The following VGLL4 variants were observed in gnomAD, a reference collection of about 807,000 sequenced individuals.
VGLL4 encodes the protein vestigial like family member 4.
A neutral mutation model predicts 21.0 loss-of-function variants in VGLL4; 7 were observed. That is an observed-to-expected ratio of 0.33 (90% CI 0.19 to 0.63). VGLL4 has a LOEUF of 0.63. Ranked by LOEUF, VGLL4 falls within the 20% of genes least tolerant of loss-of-function variation. The probability of loss-of-function intolerance (pLI) is 0.78; values close to 1 mark genes in which losing one functional copy is unlikely to be tolerated. For synonymous variants in VGLL4, 222 were observed against 173.2 expected (o/e 1.28, Z -2.21); for missense variants, 394 against 425.7 (o/e 0.93, Z 0.66).
chr3:11,605,314 A>G (rs2074915105), intron 1 of VGLL4, among the ~76,000 whole-genome samples: 1 of 128,842 alleles, frequency 7.8e-6, no homozygotes, highest in African/African-American at 3.0e-5. Context: ...CCAATCCTCC[A>G]CAGCTCTGTG....
intron 2 of VGLL4, among the ~76,000 whole-genome samples, chr3:11,681,732 C>T (rs950181603): frequency 2.0e-5 from 3 of 152,202 alleles, no homozygotes; most frequent in African/African-American, 7.2e-5. Flanking sequence ...GCACAGATGC[C>T]TCAGGCTCAT....
chr3:11,635,899 C>A (rs140865990), intron 1 of VGLL4, among the ~76,000 whole-genome samples: 2 of 152,128 alleles, frequency 1.3e-5, no homozygotes, highest in Non-Finnish European at 2.9e-5. Flanking sequence ...AGATCATTCT[C>A]GTGGGTGATT....
chr3:11,650,623 G>A (rs78863953), intron 2 of VGLL4, among the ~76,000 whole-genome samples: 3,781 of 152,072 alleles, frequency 0.025, 139 homozygotes, highest in African/African-American at 0.084. Context: ...ACTGGGTTCC[G>A]CTGTGCTCTT....
At chr3:11,637,311 G>A (rs998541914) in intron 1 of VGLL4, among the ~76,000 whole-genome samples, 3 of 151,982 alleles carry the variant, frequency 2.0e-5, no homozygotes, top group Admixed American at 6.6e-5. Context: ...TTGAGAGATC[G>A]ATCCCTAATA....
In VGLL4 at chr3:11,558,634, G is replaced by A. The variant is rs200748768; in HGVS notation, c.813C>T (p.Ser271=). 184 of 1,610,218 alleles carry A rather than the reference G, an allele frequency of 1.1e-4. No homozygotes were observed. The highest frequency in any genetic ancestry group is 2.5e-4 in the East Asian group (11 of 44,868). The change falls in exon 5 of 5, where the codon TCC becomes TCT. Residue 271 remains serine, a synonymous_variant. Coordinates refer to ENST00000430365, the MANE Select transcript of VGLL4 (RefSeq NM_001128219.3). ...TGGCGGGCTGGCCCCTGCGAGAGGC[G>A]GACTCAGGGCTGCTGGATGCTCCGT... The part of the protein sequence containing the change: ...AKDGASSSPE[S]ASRRGQPASP...
chr3:11,574,976 A>T (rs1269136585), intron 2 of VGLL4, among the ~76,000 whole-genome samples: 1 of 152,062 alleles, frequency 6.6e-6, no homozygotes, highest in East Asian at 1.9e-4. Context: ...TTGGCTTGGT[A>T]GTGTTTGGGG....
At chr3:11,691,853 T>C (rs1214315238) in intron 2 of VGLL4, among the ~76,000 whole-genome samples, 2 of 152,014 alleles carry the variant, frequency 1.3e-5, no homozygotes, top group East Asian at 3.9e-4. Context: ...AAGACAGCAA[T>C]GAGCTCAGAA....
chr3:11,632,847 C>T (rs981147574), intron 1 of VGLL4, among the ~76,000 whole-genome samples: 1 of 152,192 alleles, frequency 6.6e-6, no homozygotes, highest in Non-Finnish European at 1.5e-5. Flanking sequence ...ATCCCCAGCA[C>T]ATAAAACAGT....
At chr3:11,646,617 A>T (rs897030987), upstream of VGLL4, among the ~76,000 whole-genome samples, 6 of 152,184 alleles carry the variant, frequency 3.9e-5, no homozygotes, top group African/African-American at 1.4e-4. Flanking sequence ...GACATGAAGA[A>T]TTTTTTTAAT....
At chr3:11,608,115 TG>T (rs1354604503) in intron 1 of VGLL4, among the ~76,000 whole-genome samples, 1 of 152,176 alleles carries the variant, frequency 6.6e-6, no homozygotes, top group Non-Finnish European at 1.5e-5. Context: ...GTCTGGCAAT[TG>T]AAAAAGGAGA....
At chr3:11,572,990 A>T (rs2073834164) in intron 2 of VGLL4, among the ~76,000 whole-genome samples, 2 of 151,928 alleles carry the variant, frequency 1.3e-5, no homozygotes, top group Admixed American at 1.3e-4. Flanking sequence ...CAACATGGCG[A>T]ATCCCCCTCT....
At chr3:11,597,532 A>G (rs552211984) in intron 2 of VGLL4, among the ~76,000 whole-genome samples, 4 of 152,256 alleles carry the variant, frequency 2.6e-5, no homozygotes, top group Admixed American at 1.3e-4. Flanking sequence ...TTAAGAAAAG[A>G]CCTTCAGTCC....
At chr3:11,721,390 T>G (rs1446119946), upstream of VGLL4, 1 of 152,220 alleles carries the variant, frequency 6.6e-6, no homozygotes, top group Non-Finnish European at 1.5e-5. Flanking sequence ...TGCCCGAAAC[T>G]TGGGGCCCCT....
chr3:11,577,073 G>A (rs1222169357), intron 2 of VGLL4, among the ~76,000 whole-genome samples: 2 of 152,194 alleles, frequency 1.3e-5, no homozygotes, highest in African/African-American at 4.8e-5. Context: ...TCATGAAGCT[G>A]GGTGACCCAG....
At chr3:11,585,202 G>A (rs557374080) in intron 2 of VGLL4, among the ~76,000 whole-genome samples, 8 of 152,058 alleles carry the variant, frequency 5.3e-5, no homozygotes, top group Non-Finnish European at 5.9e-5. Context: ...TTGGGAGGCC[G>A]AGGCGGGCAG....
chr3:11,624,984 G>A (rs969161953), intron 1 of VGLL4, among the ~76,000 whole-genome samples: 5 of 152,182 alleles, frequency 3.3e-5, no homozygotes, highest in African/African-American at 1.2e-4. Context: ...AACTGACAAT[G>A]CTCTTTAGGG....
At chr3:11,628,957 C>G (rs1263865014) in intron 1 of VGLL4, among the ~76,000 whole-genome samples, 1 of 152,200 alleles carries the variant, frequency 6.6e-6, no homozygotes, top group Non-Finnish European at 1.5e-5. Context: ...ATAGGCACTT[C>G]CATAATCTAT....
chr3:11,650,740 CACACAG>C (rs1394850567), intron 2 of VGLL4, among the ~76,000 whole-genome samples: 1 of 151,636 alleles, frequency 6.6e-6, no homozygotes, highest in East Asian at 1.9e-4. Flanking sequence ...CACACACACA[CACACAG>C]ACACACACTT....
Position 11,564,837 on chromosome 3 carries a change from G to T in VGLL4, c.455C>A (p.Ala152Asp). The T allele has an allele frequency of 1.9e-6, 3 of 1,597,684 alleles. No homozygotes were observed. Among genetic ancestry groups the T allele is most frequent in the East Asian group, 2.3e-5 (1 of 44,240 alleles). Residue 152 changes from alanine to aspartate, a missense_variant, in exon 3 of 5, where the codon GCC (alanine) becomes GAC (aspartate). Ala to Asp is a moderately radical substitution (Grantham distance 126, BLOSUM62 -2). Transcript: ENST00000430365. ...CGGGGTCAGTGTGGGCGAGAGGCCG[G>T]CTGGCCTGCTGGCGTCCAGGCTGTT... Reference protein sequence around the residue: ...TKNSLDASRPAGLSPTLTPGE... With the variant: ...TKNSLDASRPDGLSPTLTPGE...
Sources: gnomAD v4.1 joint callset for allele counts (sites outside exome capture counted in the v4.1 genomes callset) on GRCh38, gnomAD v4.1.1 for gene constraint, MANE v1.5 for transcripts, NCBI Gene and HGNC (gene_info 2026-07-23, HGNC 2026-07-21) for gene names.